Variants in RGS22 observed in about 807,000 individuals in gnomAD.
The protein encoded by RGS22 is regulator of G protein signaling 22, also known as regulator of G-protein signaling 22.
A neutral mutation model predicts 172.9 loss-of-function variants in RGS22; 148 were observed. The observed-to-expected ratio is 0.86, with a 90% CI of 0.75 to 0.98. The LOEUF is 0.98. Ranked by LOEUF, RGS22 falls within the 50% of genes least tolerant of loss-of-function variation. The probability of loss-of-function intolerance (pLI) is 0.00; values close to 1 mark genes in which losing one functional copy is unlikely to be tolerated. For missense variants in RGS22, 1,347 were observed against 1,440.8 expected, an observed-to-expected ratio of 0.93 and a Z score of 1.05; for synonymous variants, 458 against 480.2, an observed-to-expected ratio of 0.95 and a Z score of 0.60.
intron 5 of RGS22, among the ~76,000 whole-genome samples, chr8:100,071,830 CTA>C (rs1184400898): frequency 2.6e-5 from 4 of 152,192 alleles, no homozygotes; most frequent in East Asian, 3.8e-4. Flanking sequence ...CTACGGCATT[CTA>C]TGTTTTTCGC....
At position 100,065,297 on chromosome 8, in the gene RGS22, C is replaced by G. The variant is rs116533065; in HGVS notation, c.724+870G>C. 3.6e-3 allele frequency among the ~76,000 whole-genome samples: 554 copies of G among 152,314 alleles called. 5 individuals carry two copies. The highest frequency in any genetic ancestry group is 0.013 in the African/African-American group (531 of 41,562). On this transcript the variant is annotated intron_variant, in intron 7 of 27. Transcript: ENST00000360863. ...TGTCGCACAGAGCGAGGCAGGCATT[C>G]CAGCTCACCATCTCCTGCCATCCTT...
chr8:100,087,934 G>A (rs890118493), intron 3 of RGS22, among the ~76,000 whole-genome samples: 7 of 152,078 alleles, frequency 4.6e-5, no homozygotes, highest in African/African-American at 1.7e-4. Context: ...GTATTTTTGA[G>A]CTACAAGTCT....
At chr8:100,056,733 GA>G (rs1809649436) in intron 9 of RGS22, among the ~76,000 whole-genome samples, 1 of 152,204 alleles carries the variant, frequency 6.6e-6, no homozygotes, top group East Asian at 1.9e-4. Context: ...CTAGATTTCA[GA>G]GTATGTACGG....
chr8:100,015,426 G>A (rs1353938607), intron 14 of RGS22, among the ~76,000 whole-genome samples: 2 of 152,014 alleles, frequency 1.3e-5, no homozygotes, highest in African/African-American at 4.8e-5. Flanking sequence ...CTGAGTAGCT[G>A]GGACCACAGG....
intron 20 of RGS22, among the ~76,000 whole-genome samples, chr8:99,988,882 A>G (rs542938505): frequency 5.3e-5 from 8 of 152,326 alleles, no homozygotes; most frequent in African/African-American, 1.9e-4. Flanking sequence ...CATATGGTCC[A>G]TATTAAAATT....
At chr8:100,087,891 T>C (rs1286164931) in intron 3 of RGS22, among the ~76,000 whole-genome samples, 2 of 152,188 alleles carry the variant, frequency 1.3e-5, no homozygotes, top group Non-Finnish European at 2.9e-5. Context: ...AAAATATCCT[T>C]AGTTAATAAA....
At chr8:100,089,246 TAAG>T (rs1008622399) in intron 3 of RGS22, among the ~76,000 whole-genome samples, 14 of 150,734 alleles carry the variant, frequency 9.3e-5, no homozygotes, top group African/African-American at 2.7e-4. Flanking sequence ...GATATTCTCA[TAAG>T]ATGATTTTCT....
intron 10 of RGS22, among the ~76,000 whole-genome samples, chr8:100,051,249 G>A (rs1027375685): frequency 1.3e-5 from 2 of 151,160 alleles, no homozygotes; most frequent in Non-Finnish European, 2.9e-5. Context: ...TGGTTGGAAT[G>A]CAGTAAGCTA....
chr8:100,016,978 CTTTTTTT>C (rs71274949), intron 14 of RGS22, among the ~76,000 whole-genome samples: 1,089 of 35,762 alleles, frequency 0.03, 7 homozygotes, highest in African/African-American at 0.04. Flanking sequence ...CCTTACCAGT[CTTTTTTT>C]TTTTTTTTTT....
chr8:100,100,601 A>C (rs1320193312), intron 2 of RGS22, among the ~76,000 whole-genome samples: 1 of 152,044 alleles, frequency 6.6e-6, no homozygotes, highest in Non-Finnish European at 1.5e-5. Context: ...TTTTCTGAAT[A>C]TTTTCAATCC....
intron 22 of RGS22, among the ~76,000 whole-genome samples, chr8:99,979,401 T>G (rs1812311436): frequency 1.3e-5 from 2 of 152,212 alleles, no homozygotes; most frequent in African/African-American, 4.8e-5. Flanking sequence ...GATTGTAGGT[T>G]AATATATATT....
chr8:100,046,242 G>A (rs1820701735), intron 11 of RGS22: 1 of 152,064 alleles, frequency 6.6e-6, no homozygotes, highest in Non-Finnish European at 1.5e-5. Flanking sequence ...TGAGTTCATA[G>A]AGAATAATCT....
At chr8:100,097,688 A>G (rs745791468) in intron 2 of RGS22, among the ~76,000 whole-genome samples, 29 of 152,204 alleles carry the variant, frequency 1.9e-4, no homozygotes, top group Non-Finnish European at 3.5e-4. Context: ...TCAAATCAGC[A>G]TCGTTGCCTC....
intron 5 of RGS22, 37 bp downstream of exon 5, chr8:100,072,108 G>T: frequency 8.3e-7 from 1 of 1,209,932 alleles, no homozygotes; most frequent in Non-Finnish European, 1.2e-6. Flanking sequence ...TAATATATAT[G>T]TATTTAAAAA....
chr8:99,998,809 G>C (rs1814670250), intron 19 of RGS22, among the ~76,000 whole-genome samples: 1 of 151,958 alleles, frequency 6.6e-6, no homozygotes, highest in African/African-American at 2.4e-5. Flanking sequence ...TCCAGCTGTG[G>C]TGCATGCCAC....
intron 22 of RGS22, 92 bp downstream of exon 22, chr8:99,981,845 A>G: frequency 8.6e-7 from 1 of 1,164,630 alleles, no homozygotes. Flanking sequence ...TACAGGCGTG[A>G]GCCACCACGC....
intron 23 of RGS22, among the ~76,000 whole-genome samples, chr8:99,972,214 T>A (rs1410119745): frequency 6.6e-6 from 1 of 152,168 alleles, no homozygotes; most frequent in Admixed American, 6.5e-5. Flanking sequence ...AAACTGAAAC[T>A]GGACCCCTTC....
At chr8:100,045,574 T>A (rs749202932) in intron 11 of RGS22, among the ~76,000 whole-genome samples, 2 of 152,000 alleles carry the variant, frequency 1.3e-5, no homozygotes, top group Non-Finnish European at 2.9e-5. Flanking sequence ...GAAGGAATGG[T>A]TAAAAAAAGG....
intron 12 of RGS22, 66 bp downstream of exon 12, chr8:100,041,736 C>A (rs2131606946): frequency 1.2e-6 from 1 of 852,850 alleles, no homozygotes; most frequent in Non-Finnish European, 1.9e-6. Context: ...TACAAATTCT[C>A]TAAAATCAGG....
Sources: gnomAD v4.1 joint callset for allele counts (sites outside exome capture counted in the v4.1 genomes callset) on GRCh38, gnomAD v4.1.1 for gene constraint, MANE v1.5 for transcripts, NCBI Gene and HGNC (gene_info 2026-07-23, HGNC 2026-07-21) for gene names.